ATG2B: variants seen among roughly 807,000 people sequenced by gnomAD.
ATG2B encodes the protein autophagy-related protein 2 homolog B.
ATG2B carries 121 observed loss-of-function variants against 241.3 expected under a neutral mutation model. The ratio of observed to expected loss-of-function variants is 0.50; its 90% CI spans 0.43 to 0.58. The LOEUF (loss-of-function observed/expected upper bound fraction) is 0.58. Among genes scored for constraint, ATG2B ranks in the 20% least tolerant of loss-of-function variants. The pLI is 0.00. For missense variants in ATG2B, 2,306 were observed against 2,491.6 expected (o/e 0.93, Z 1.59); for synonymous variants, 858 against 876.6 (o/e 0.98, Z 0.37).
chr14:96,330,721 G>A (rs975430237), intron 11 of ATG2B, among the ~76,000 whole-genome samples: 4 of 152,266 alleles, frequency 2.6e-5, no homozygotes, highest in South Asian at 4.1e-4. Context: ...CCAAGATTGC[G>A]CCACTGCACT....
intron 1 of ATG2B, among the ~76,000 whole-genome samples, chr14:96,351,244 T>TTG (rs1888310248): frequency 6.6e-6 from 1 of 152,204 alleles, no homozygotes; most frequent in African/African-American, 2.4e-5. Context: ...ATGGATGCAC[T>TTG]AACAAATTAG....
At chr14:96,300,340 T>G (rs374820604) in intron 34 of ATG2B, among the ~76,000 whole-genome samples, 1 of 152,082 alleles carries the variant, frequency 6.6e-6, no homozygotes, top group East Asian at 1.9e-4. Flanking sequence ...GGCAACATAA[T>G]GGGACCACGT....
In ATG2B at chr14:96,343,140, TG is replaced by T; in HGVS notation, c.722del (p.Pro241GlnfsTer30). 6.2e-7 allele frequency: 1 copy of T among 1,600,548 alleles called. No individual in the cohort carries two copies. The highest frequency in any genetic ancestry group is 8.5e-7 in the Non-Finnish European group (1 of 1,173,524). On this transcript the variant is annotated frameshift_variant, in exon 5 of 42. Coordinates refer to ENST00000359933, the MANE Select transcript of ATG2B (RefSeq NM_018036.7). LOFTEE classifies it high-confidence loss of function. Reference protein sequence around the residue: ...DEFSASAKSSPVCSTAPVETE... With the variant: ...DEFSASAKSSXVCSTAPVETE... The stretch of plus-strand genomic sequence containing the variant: ...TTACCACTGGTGCAGTTGAACACAC[TG>T]GGGAAGATTTGGCTGATGCAGAAAA...
At chr14:96,300,986 CAAAT>C (rs1478835166) in intron 34 of ATG2B, among the ~76,000 whole-genome samples, 2 of 152,308 alleles carry the variant, frequency 1.3e-5, no homozygotes, top group Non-Finnish European at 2.9e-5. Context: ...GTCCACCCCA[CAAAT>C]AAATACTCTA....
chr14:96,363,197 G>A lies in ATG2B; in HGVS notation c.-221C>T, dbSNP rs1888731928. 1.9e-6 allele frequency: 1 copy of A among 538,682 alleles called. No individual in the cohort carries two copies. Among genetic ancestry groups the A allele is most frequent in the African/African-American group, 2.0e-5 (1 of 50,374 alleles). The allele number at this position is 538,682 out of a possible 1,614,324, so 33.4% of individuals were successfully genotyped here. The stretch of plus-strand genomic sequence containing the variant: ...ACGCAGAGGGGTCCTCCTGGCCCCA[G>A]GCCAGGGGACTTCCGAGGAGGGTCC... On this transcript the variant is annotated 5_prime_UTR_variant, in exon 1 of 42. Transcript: ENST00000359933.
At position 96,336,153 on chromosome 14, in the gene ATG2B, TAA is replaced by T. The variant is rs74984817; in HGVS notation, c.925-1654_925-1653del. Among the ~76,000 whole-genome samples, 899 of 131,490 alleles carry T rather than the reference TAA, an allele frequency of 6.8e-3. 28 individuals carry two copies. In the South Asian group the frequency reaches 0.075, roughly 11 times the overall value. 86.3% of individuals were successfully genotyped at this position (131,490 alleles called of 152,430 possible). On this transcript the variant is annotated intron_variant, in intron 6 of 41. Coordinates refer to ENST00000359933, the MANE Select transcript of ATG2B (RefSeq NM_018036.7). ...TCAAGGGAATACTATTCAGAGAACTTAAAAAAAAAAAAAAAACATGAAATCTT... is the reference window on the plus strand; with the variant it reads ...TCAAGGGAATACTATTCAGAGAACTTAAAAAAAAAAAAAACATGAAATCTT...
intron 41 of ATG2B, among the ~76,000 whole-genome samples, chr14:96,287,218 C>A (rs1395213363): frequency 7.2e-6 from 1 of 139,706 alleles, no homozygotes; most frequent in Non-Finnish European, 1.5e-5. Flanking sequence ...CATGCCACTG[C>A]ACTCCAGCCT....
chr14:96,339,036 T>A (rs1341787713), intron 6 of ATG2B, among the ~76,000 whole-genome samples: 2 of 152,080 alleles, frequency 1.3e-5, no homozygotes, highest in Non-Finnish European at 2.9e-5. Flanking sequence ...GTGTTCAACA[T>A]CACTAATCAT....
rs1195583241 is a variant in ATG2B, at chr14:96,322,151, G to A, written c.2840C>T (p.Thr947Ile). 7 of 1,567,668 alleles carry A rather than the reference G, an allele frequency of 4.5e-6. No homozygotes were observed. The East Asian group carries it at 1.7e-4, about 37-fold the overall frequency. ...LELTLPNIYV[T>I]LPNKSFYEKL... ...CTCATAAAAGCTCTTATTAGGTAGT[G>A]TTACATAAATATTTGGTAACGTAAG... The change falls in exon 18 of 42, where the codon ACA (threonine) becomes ATA (isoleucine). Residue 947 changes from threonine (T) to isoleucine (I), a missense_variant. Physicochemically the swap from Thr to Ile is moderately conservative, Grantham distance 89. Coordinates refer to ENST00000359933, the MANE Select transcript of ATG2B (RefSeq NM_018036.7).
At chr14:96,302,641 T>G (rs1415473767) in intron 33 of ATG2B, among the ~76,000 whole-genome samples, 1 of 152,160 alleles carries the variant, frequency 6.6e-6, no homozygotes, top group Non-Finnish European at 1.5e-5. Context: ...ATGGATAATG[T>G]TGTACTTAGT....
At chr14:96,355,822 T>C (rs986304973) in intron 1 of ATG2B, among the ~76,000 whole-genome samples, 3 of 152,132 alleles carry the variant, frequency 2.0e-5, no homozygotes, top group African/African-American at 7.2e-5. Flanking sequence ...AATACATCTT[T>C]ATTAGTTTAA....
chr14:96,308,270 A>ATATATATCTG, intron 29 of ATG2B, among the ~76,000 whole-genome samples: 1 of 27,894 alleles, frequency 3.6e-5, no homozygotes, highest in Non-Finnish European at 5.9e-5. Context: ...ATATATATAT[A>ATATATATCTG]TATATATATA....
At chr14:96,293,110 T>A (rs563353154) in intron 36 of ATG2B, 5 of 152,216 alleles carry the variant, frequency 3.3e-5, no homozygotes, top group Non-Finnish European at 7.3e-5. Flanking sequence ...TGATCTGGCT[T>A]CCAAAAGTTG....
intron 27 of ATG2B, 110 bp from the exon 28 acceptor site, chr14:96,311,397 A>T: frequency 8.2e-7 from 1 of 1,224,408 alleles, no homozygotes; most frequent in Non-Finnish European, 1.1e-6. Flanking sequence ...GTCTCGCTAC[A>T]TAAAAAAAGT....
Position 96,323,939 on chromosome 14 carries a change from C to T in ATG2B, c.2497G>A (p.Val833Ile), listed in dbSNP as rs1232167138. The change falls in exon 16 of 42, where the codon GTA becomes ATA. Residue 833 changes from valine to isoleucine, a missense_variant. Around this residue, in one of 2 missense-constraint regions of ATG2B, gnomAD observed 1,927 missense variants for 2,011.2 expected, o/e 0.96. Transcript: ENST00000359933. Reference protein sequence around the residue: ...SIKFFHVSSGVDGDTTSSDDF... With the variant: ...SIKFFHVSSGIDGDTTSSDDF... ...TCTGACGATGTTGTATCTCCATCTA[C>T]TCCACTAGACACATGGAAAAACTTA... 13 of 1,611,856 alleles carry T rather than the reference C, an allele frequency of 8.1e-6. No individual in the cohort carries two copies. Among genetic ancestry groups the T allele is most frequent in the South Asian group, 1.1e-5 (1 of 90,530 alleles).
chr14:96,340,711 A>C (rs1888009580), intron 6 of ATG2B, among the ~76,000 whole-genome samples: 2 of 152,130 alleles, frequency 1.3e-5, no homozygotes, highest in Non-Finnish European at 2.9e-5. Context: ...CCAGGAGTTC[A>C]AGACCAGCCT....
At position 96,311,113 on chromosome 14, in the gene ATG2B, G is replaced by A. The variant is rs778335132; in HGVS notation, c.4161+4C>T. Reference sequence around the variant, plus strand: ...GACTGGAGGAATCACATTGCTGACTGTACCTTAGACCTTCTTTGAAAGGCT... The same window carrying A: ...GACTGGAGGAATCACATTGCTGACTATACCTTAGACCTTCTTTGAAAGGCT... On this transcript the variant is annotated splice_donor_region_variant and intron_variant, in intron 28 of 41. Coordinates refer to ENST00000359933, the MANE Select transcript of ATG2B (RefSeq NM_018036.7). The A allele has an allele frequency of 3.9e-5, 63 of 1,604,682 alleles. No homozygotes were observed. The highest frequency in any genetic ancestry group is 6.7e-5 in the South Asian group (6 of 90,012).
chr14:96,295,446 C>T, intron 35 of ATG2B, 36 bp downstream of exon 35: 1 of 1,370,774 alleles, frequency 7.3e-7, no homozygotes, highest in Non-Finnish European at 1.0e-6. Flanking sequence ...AATCCAAGTA[C>T]TTGGTATAGT....
Position 96,302,106 on chromosome 14 carries a change from C to G in ATG2B, c.5040G>C (p.Leu1680Phe), listed in dbSNP as rs762110929. 3.7e-6 allele frequency: 6 copies of G among 1,603,482 alleles called. No individual in the cohort carries two copies. The highest frequency in any genetic ancestry group is 5.1e-6 in the Non-Finnish European group (6 of 1,170,984). The change falls in exon 34 of 42, where the codon TTG (leucine) becomes TTC (phenylalanine). Residue 1680 changes from leucine to phenylalanine, a missense_variant and splice_region_variant. Around this residue, in one of 2 missense-constraint regions of ATG2B, gnomAD observed 1,927 missense variants for 2,011.2 expected, o/e 0.96. Transcript: ENST00000359933. ...EMPRKAHSNMLTVKALHVCPE... is the reference protein window; with the variant it reads ...EMPRKAHSNMFTVKALHVCPE... ...GACACACGTGTAAGGCTTTCACTGT[C>G]AACTACAAGGCAAGAAAGAGAATAA...
Sources: gnomAD v4.1 joint callset for allele counts (sites outside exome capture counted in the v4.1 genomes callset) on GRCh38, gnomAD v4.1.1 for gene constraint, gnomAD v4.1.1 regional missense constraint, MANE v1.5 for transcripts, NCBI Gene and HGNC (gene_info 2026-07-23, HGNC 2026-07-21) for gene names.